The following PCLO variants were observed in gnomAD, a reference collection of about 807,000 sequenced individuals.
PCLO encodes protein piccolo.
In PCLO, 82 loss-of-function variants were observed where a neutral mutation model predicts 427.5. The observed-to-expected ratio is 0.19, with a 90% confidence interval of 0.16 to 0.23. The LOEUF (loss-of-function observed/expected upper bound fraction) is 0.23, where lower values mean the gene tolerates loss of function less well. Ranked by LOEUF, PCLO falls within the 10% of genes least tolerant of loss-of-function variation. PCLO has a pLI of 1.00. For missense variants in PCLO, 6,239 were observed against 6,115.9 expected (o/e 1.02, Z -0.67); for synonymous variants, 2,357 against 2,155.4 (o/e 1.09, Z -2.59).
rs903259224 is a variant in PCLO at position 82,791,052 on chromosome 7, T to C, written c.15007+10466A>G. On this transcript the variant is annotated intron_variant, in intron 22 of 24. Coordinates refer to ENST00000333891, the MANE Select transcript of PCLO (RefSeq NM_033026.6). ...ACATATTTATCAAGTGGGCACTTTG[T>C]GCAAGTCCCTGTGCCAGACACTGGG... Among the ~76,000 whole-genome samples, 19 of 152,306 alleles carry C rather than the reference T, an allele frequency of 1.2e-4. No homozygotes were observed. In the East Asian group the frequency reaches 3.7e-3, roughly 29 times the overall value.
At chr7:83,121,042 G>A (rs1480514982) in intron 3 of PCLO, among the ~76,000 whole-genome samples, 1 of 152,126 alleles carries the variant, frequency 6.6e-6, no homozygotes, top group Admixed American at 6.6e-5. Context: ...CCAGCACTTT[G>A]GGAGGCCGAG....
At chr7:82,994,774 GT>G (rs1388829064) in intron 3 of PCLO, among the ~76,000 whole-genome samples, 5 of 151,996 alleles carry the variant, frequency 3.3e-5, no homozygotes, top group African/African-American at 7.2e-5. Flanking sequence ...AGAAACCAAA[GT>G]GCTATAGATC....
intron 21 of PCLO, among the ~76,000 whole-genome samples, chr7:82,804,658 G>T (rs2129468789): frequency 6.6e-6 from 1 of 152,148 alleles, no homozygotes; most frequent in South Asian, 2.1e-4. Flanking sequence ...ACTTAATTCT[G>T]CCCTGCAGCA....
chr7:83,139,228 A>C (rs1021666880), intron 2 of PCLO, among the ~76,000 whole-genome samples: 1 of 152,214 alleles, frequency 6.6e-6, no homozygotes, highest in Non-Finnish European at 1.5e-5. Flanking sequence ...ACTTGAAAAA[A>C]GAACTGAATA....
intron 3 of PCLO, among the ~76,000 whole-genome samples, chr7:83,100,663 G>A (rs1790715280): frequency 6.6e-6 from 1 of 152,116 alleles, no homozygotes; most frequent in South Asian, 2.1e-4. Flanking sequence ...GGAGGATGGA[G>A]GGTGAGAGAA....
At chr7:82,761,747 G>A (rs754845974) in intron 22 of PCLO, among the ~76,000 whole-genome samples, 1 of 149,474 alleles carries the variant, frequency 6.7e-6, no homozygotes, top group Non-Finnish European at 1.5e-5. Flanking sequence ...ATAAAATACA[G>A]TCCATGCCCT....
intron 6 of PCLO, among the ~76,000 whole-genome samples, chr7:82,926,510 GTTAT>G (rs1188657817): frequency 6.6e-6 from 1 of 152,092 alleles, no homozygotes; most frequent in African/African-American, 2.4e-5. Flanking sequence ...ACATGTATAA[GTTAT>G]TTATCAAAGT....
At chr7:82,923,020 A>C (rs1378282607) in intron 6 of PCLO, among the ~76,000 whole-genome samples, 1 of 152,018 alleles carries the variant, frequency 6.6e-6, no homozygotes, top group Non-Finnish European at 1.5e-5. Context: ...TCTTTTTCAA[A>C]CAGCATAATT....
In PCLO at chr7:82,950,793, T is replaced by C; in HGVS notation, c.9795A>G (p.Gln3265=). The C allele has an allele frequency of 6.2e-7, 1 of 1,613,768 alleles. No individual in the cohort carries two copies. The highest frequency in any genetic ancestry group is 1.3e-5 in the African/African-American group (1 of 75,010). The change falls in exon 6 of 25, where the codon CAA becomes CAG. Residue 3265 remains glutamine, a synonymous_variant. Coordinates refer to ENST00000333891, the MANE Select transcript of PCLO (RefSeq NM_033026.6). The part of the protein sequence containing the change: ...KKLEELQSMK[Q]HLLFQQEEER... ...CTTCTTCTTGCTGAAAGAGAAGGTG[T>C]TGCTTCATAGACTGCAGCTCCTCCA...
At chr7:82,790,100 C>T (rs1214423549) in intron 22 of PCLO, among the ~76,000 whole-genome samples, 2 of 152,112 alleles carry the variant, frequency 1.3e-5, no homozygotes, top group Admixed American at 1.3e-4. Flanking sequence ...GTCTGTCCTG[C>T]TTTTCGCACC....
chr7:82,896,686 T>C (rs1018512963), intron 9 of PCLO, among the ~76,000 whole-genome samples: 1 of 70,132 alleles, frequency 1.4e-5, no homozygotes. Flanking sequence ...AATAATAATA[T>C]AAAGAGCTAT....
intron 3 of PCLO, among the ~76,000 whole-genome samples, chr7:83,025,957 C>T (rs1348739062): frequency 6.6e-6 from 1 of 151,954 alleles, no homozygotes; most frequent in Non-Finnish European, 1.5e-5. Context: ...GAAGGAAGCG[C>T]TAAACATGGA....
intron 3 of PCLO, among the ~76,000 whole-genome samples, chr7:83,094,919 A>G (rs990863785): frequency 2.0e-5 from 3 of 152,112 alleles, no homozygotes; most frequent in Non-Finnish European, 4.4e-5. Context: ...ATTGGTCTGT[A>G]ATTTTCTTAT....
At chr7:82,901,566 T>C (rs934648172) in intron 9 of PCLO, among the ~76,000 whole-genome samples, 2 of 151,992 alleles carry the variant, frequency 1.3e-5, no homozygotes, top group Non-Finnish European at 2.9e-5. Context: ...AAAGCCAAAA[T>C]TGACAAATGG....
intron 3 of PCLO, among the ~76,000 whole-genome samples, chr7:83,124,893 T>G (rs1791388607): frequency 6.6e-6 from 1 of 152,128 alleles, no homozygotes; most frequent in African/African-American, 2.4e-5. Flanking sequence ...TGCCTGGGAT[T>G]GCAGGCGCAC....
chr7:83,005,236 T>G (rs1269151381), intron 3 of PCLO, among the ~76,000 whole-genome samples: 1 of 151,678 alleles, frequency 6.6e-6, no homozygotes, highest in African/African-American at 2.4e-5. Flanking sequence ...CATTCAGCCT[T>G]AAAAATGAAG....
Position 82,824,427 on chromosome 7 carries a change from G to C in PCLO, c.14416-11C>G. The C allele has an allele frequency of 6.5e-7, 1 of 1,541,338 alleles. No individual in the cohort carries two copies. Among genetic ancestry groups the C allele is most frequent in the Non-Finnish European group, 8.8e-7 (1 of 1,132,796 alleles). On this transcript the variant is annotated splice_polypyrimidine_tract_variant and intron_variant, in intron 18 of 24. Transcript: ENST00000333891. The stretch of plus-strand genomic sequence containing the variant: ...TAAATCAATCAATACCTGAAAAAAA[G>C]TGTAACAAATAAATGAAATTTAGGG...
intron 22 of PCLO, among the ~76,000 whole-genome samples, chr7:82,774,484 C>T (rs1405074577): frequency 1.3e-5 from 2 of 152,152 alleles, no homozygotes; most frequent in East Asian, 1.9e-4. Context: ...TCGGGATAGA[C>T]TAGATTCTGC....
chr7:82,854,944 A>G (rs1380800578), intron 10 of PCLO, among the ~76,000 whole-genome samples: 1 of 152,136 alleles, frequency 6.6e-6, no homozygotes, highest in African/African-American at 2.4e-5. Flanking sequence ...CACATTTTGA[A>G]TAAAAGAAAT....
Sources: gnomAD v4.1 joint callset for allele counts (sites outside exome capture counted in the v4.1 genomes callset) on GRCh38, gnomAD v4.1.1 for gene constraint, MANE v1.5 for transcripts, NCBI Gene and HGNC (gene_info 2026-07-23, HGNC 2026-07-21) for gene names.